The following FRAS1 variants were observed in gnomAD, a reference collection of about 807,000 sequenced individuals.
FRAS1 encodes Fraser extracellular matrix complex subunit 1.
In FRAS1, 290 loss-of-function variants were observed where a neutral mutation model predicts 435.2. That is an observed-to-expected ratio of 0.67 (90% CI 0.61 to 0.73). FRAS1 has a LOEUF of 0.73. Among genes scored for constraint, FRAS1 ranks in the 30% least tolerant of loss-of-function variants. FRAS1 has a pLI of 0.00. For missense variants in FRAS1, 4,860 were observed against 5,001.5 expected (o/e 0.97, Z 0.85); for synonymous variants, 1,800 against 1,851.0 (o/e 0.97, Z 0.71).
intron 18 of FRAS1, among the ~76,000 whole-genome samples, chr4:78,326,586 C>T (rs559527629): frequency 6.6e-6 from 1 of 152,134 alleles, no homozygotes; most frequent in Non-Finnish European, 1.5e-5. Flanking sequence ...ACTTTTGAAA[C>T]ACCCAGAAAA....
chr4:78,332,536 C>T (rs547288897), intron 18 of FRAS1, among the ~76,000 whole-genome samples: 12 of 152,310 alleles, frequency 7.9e-5, no homozygotes, highest in South Asian at 6.2e-4. Context: ...GCCCTTACTA[C>T]GTGTCCAGCA....
intron 2 of FRAS1, among the ~76,000 whole-genome samples, chr4:78,233,906 A>G (rs1452165601): frequency 6.6e-6 from 1 of 152,188 alleles, no homozygotes; most frequent in East Asian, 1.9e-4. Context: ...TGCCAGTTTC[A>G]TAGGGTTGAC....
Position 78,315,701 on chromosome 4 carries a change from G to T in FRAS1, c.1786G>T (p.Gly596Trp), listed in dbSNP as rs779478457. The stretch of plus-strand genomic sequence containing the variant: ...GAAATGCATGTCTGAATGCCCTGGC[G>T]GGTACTATGCTGATGCCACTGGCAG... ...DGKCMSECPG[G>W]YYADATGRCK... The change falls in exon 16 of 74, where the codon GGG becomes TGG. Residue 596 changes from glycine (G) to tryptophan (W), a missense_variant. Coordinates refer to ENST00000512123, the MANE Select transcript of FRAS1 (RefSeq NM_025074.7). The T allele has an allele frequency of 2.5e-6, 4 of 1,613,860 alleles. No homozygotes were observed. The highest frequency in any genetic ancestry group is 3.4e-6 in the Non-Finnish European group (4 of 1,179,888).
At chr4:78,450,573 A>G in intron 45 of FRAS1, 4 of 485,060 alleles carry the variant, frequency 8.2e-6, no homozygotes, top group Non-Finnish European at 1.1e-5. Flanking sequence ...TGGCATTTGC[A>G]GCTATTTTGG....
chr4:78,120,680 A>G (rs1309442074), intron 2 of FRAS1, among the ~76,000 whole-genome samples: 1 of 152,122 alleles, frequency 6.6e-6, no homozygotes, highest in Non-Finnish European at 1.5e-5. Flanking sequence ...TATTTCAATG[A>G]AGGATTAAGC....
intron 22 of FRAS1, among the ~76,000 whole-genome samples, chr4:78,367,343 A>G (rs1293823708): frequency 6.6e-6 from 1 of 151,688 alleles, no homozygotes; most frequent in East Asian, 1.9e-4. Flanking sequence ...TGGAGGCTAC[A>G]GTGAGCTGTG....
intron 50 of FRAS1, among the ~76,000 whole-genome samples, chr4:78,468,821 C>T (rs193003780): frequency 1.3e-5 from 2 of 152,340 alleles, no homozygotes; most frequent in East Asian, 3.9e-4. Flanking sequence ...CATATGTACA[C>T]CTTTCTATAC....
intron 1 of FRAS1, among the ~76,000 whole-genome samples, chr4:78,064,151 T>C (rs1212243838): frequency 6.6e-6 from 1 of 151,256 alleles, no homozygotes; most frequent in South Asian, 2.1e-4. Flanking sequence ...AAGAAGAATT[T>C]TCCTTCAAGG....
intron 2 of FRAS1, among the ~76,000 whole-genome samples, chr4:78,185,911 T>C (rs1027591851): frequency 1.3e-5 from 2 of 152,214 alleles, no homozygotes; most frequent in Non-Finnish European, 2.9e-5. Context: ...TTGTGGTTCT[T>C]TTTGAGGCTA....
At chr4:78,304,704 T>C (rs1275949732) in intron 14 of FRAS1, among the ~76,000 whole-genome samples, 1 of 152,166 alleles carries the variant, frequency 6.6e-6, no homozygotes, top group African/African-American at 2.4e-5. Context: ...GTGGGATAGG[T>C]GGTGATATCC....
At position 78,094,004 on chromosome 4, in the gene FRAS1, C is replaced by A. The variant is rs950435126; in HGVS notation, c.108+27988C>A. ...CCCACTTCCACCAAGTCTTGATGGC[C>A]ATTCTTGGGTATTACAACAGACTAC... On this transcript the variant is annotated intron_variant, in intron 2 of 73. Coordinates refer to ENST00000512123, the MANE Select transcript of FRAS1 (RefSeq NM_025074.7). Among the ~76,000 whole-genome samples the A allele has an allele frequency of 2.0e-5, 3 of 151,872 alleles. No homozygotes were observed. The East Asian group carries it at 5.8e-4, about 29-fold the overall frequency.
At chr4:78,477,048 A>G (rs2109855642) in intron 54 of FRAS1, among the ~76,000 whole-genome samples, 1 of 151,898 alleles carries the variant, frequency 6.6e-6, no homozygotes, top group South Asian at 2.1e-4. Context: ...ACAATTGTGT[A>G]CATATAAAAT....
At chr4:78,354,619 A>G (rs531886283) in intron 20 of FRAS1, among the ~76,000 whole-genome samples, 4 of 152,318 alleles carry the variant, frequency 2.6e-5, no homozygotes, top group African/African-American at 9.6e-5. Context: ...GCATGAAATC[A>G]TTTCTTTTTC....
rs1328779269 is a variant in FRAS1, at chr4:78,537,104, G to A, written c.11202G>A (p.Val3734=). The A allele has an allele frequency of 1.2e-6, 2 of 1,614,030 alleles. No homozygotes were observed. Among genetic ancestry groups the A allele is most frequent in the Non-Finnish European group, 1.7e-6 (2 of 1,179,890 alleles). ...TTTGTACGGGCAAGGATGGTTATGT[G>A]CCTTTCTTTGATCCCACGGGGACAA... ...VYLCTGKDGY[V]PFFDPTGTIY... is the part of the protein sequence containing the mutation. Residue 3734 remains valine, a synonymous_variant, in exon 72 of 74, where the codon GTG becomes GTA. Coordinates refer to ENST00000512123, the MANE Select transcript of FRAS1 (RefSeq NM_025074.7).
intron 1 of FRAS1, among the ~76,000 whole-genome samples, chr4:78,064,710 T>A (rs958121107): frequency 6.6e-6 from 1 of 152,076 alleles, no homozygotes; most frequent in Non-Finnish European, 1.5e-5. Flanking sequence ...CATCTCAGTT[T>A]TTTTAAAGAT....
chr4:78,177,634 G>A (rs1721832053), intron 2 of FRAS1, among the ~76,000 whole-genome samples: 2 of 152,176 alleles, frequency 1.3e-5, no homozygotes, highest in African/African-American at 2.4e-5. Context: ...CCGTAGGGAA[G>A]GCGGGTCTGC....
At chr4:78,532,239 A>T (rs191330896) in intron 70 of FRAS1, among the ~76,000 whole-genome samples, 2 of 151,644 alleles carry the variant, frequency 1.3e-5, no homozygotes, top group East Asian at 3.9e-4. Flanking sequence ...TATTGCACAC[A>T]CTCTTACCCC....
intron 18 of FRAS1, among the ~76,000 whole-genome samples, chr4:78,329,141 C>A (rs143501381): frequency 0.039 from 5,970 of 152,256 alleles, 322 homozygotes; most frequent in African/African-American, 0.12. Flanking sequence ...CTGTTCCCAT[C>A]CAGAGTTGTG....
chr4:78,155,169 G>A (rs16997148), intron 2 of FRAS1, among the ~76,000 whole-genome samples: 5,315 of 152,304 alleles, frequency 0.035, 120 homozygotes, highest in Non-Finnish European at 0.042. Context: ...ACCTAGGACA[G>A]GGCCTGACTT....
Sources: allele counts gnomAD v4.1 joint callset (sites outside exome capture counted in the v4.1 genomes callset), GRCh38; gene constraint gnomAD v4.1.1; transcripts MANE v1.5; gene names NCBI Gene and HGNC (gene_info 2026-07-23, HGNC 2026-07-21).